ODR4: variants seen among roughly 807,000 people sequenced by gnomAD.
ODR4 encodes odr-4 GPCR localization factor homolog, also known as protein odr-4 homolog.
ODR4 carries 47 observed loss-of-function variants against 60.2 expected under a neutral mutation model. The ratio of observed to expected loss-of-function variants is 0.78; its 90% CI spans 0.62 to 1.00. ODR4 has a LOEUF of 1.00. Among genes scored for constraint, ODR4 ranks in the 50% least tolerant of loss-of-function variants. The pLI is 0.00. For synonymous variants in ODR4, 178 were observed against 175.5 expected, an observed-to-expected ratio of 1.01 and a Z score of -0.11; for missense variants, 488 against 530.8, an observed-to-expected ratio of 0.92 and a Z score of 0.79.
At chr1:186,392,576 G>T (rs190819907) in intron 8 of ODR4, among the ~76,000 whole-genome samples, 2 of 150,886 alleles carry the variant, frequency 1.3e-5, no homozygotes, top group African/African-American at 4.9e-5. Flanking sequence ...CAGCACTTTG[G>T]GGGGCCGAGG....
chr1:186,389,528 T>C, intron 5 of ODR4, 60 bp from the exon 6 acceptor site: 1 of 1,303,164 alleles, frequency 7.7e-7, no homozygotes, highest in Non-Finnish European at 1.1e-6. Context: ...TTTGATAGTT[T>C]ATATTCTTTT....
intron 7 of ODR4, 65 bp from the exon 8 acceptor site, chr1:186,391,631 A>T (rs973821388): frequency 1.0e-6 from 1 of 975,080 alleles, no homozygotes; most frequent in Admixed American, 2.0e-5. Flanking sequence ...AACAAAGTAG[A>T]TTATAGGAAG....
intron 12 of ODR4, among the ~76,000 whole-genome samples, chr1:186,413,492 G>A (rs1661446630): frequency 6.6e-6 from 1 of 152,112 alleles, no homozygotes; most frequent in South Asian, 2.1e-4. Context: ...TGAGGTGAGG[G>A]ATAACTATGG....
intron 3 of ODR4, 34 bp from the exon 4 acceptor site, chr1:186,385,954 A>G (rs1660233122): frequency 1.5e-6 from 2 of 1,374,082 alleles, no homozygotes; most frequent in African/African-American, 1.4e-5. Flanking sequence ...ATATAATGCC[A>G]ATTTGTTAGC....
intron 2 of ODR4, 116 bp downstream of exon 2, chr1:186,380,000 G>A (rs1011048603): frequency 1.2e-5 from 7 of 571,644 alleles, no homozygotes; most frequent in Admixed American, 3.8e-5. Flanking sequence ...CAAGATTGGG[G>A]GATGGAAGAA....
chr1:186,422,201 G>A (rs1253501412), downstream of ODR4, among the ~76,000 whole-genome samples: 5 of 151,978 alleles, frequency 3.3e-5, no homozygotes, highest in African/African-American at 1.2e-4. Flanking sequence ...TAGCTTTAGT[G>A]ATATTAAATC....
the ODR4 span, among the ~76,000 whole-genome samples, chr1:186,429,543 A>G: frequency 2.0e-5 from 3 of 152,154 alleles, no homozygotes; most frequent in Admixed American, 1.3e-4. Context: ...AAATCCACAT[A>G]TGACCCTTAA....
At chr1:186,398,862 C>A in intron 10 of ODR4, 92 bp from the exon 11 acceptor site, 4 of 915,742 alleles carry the variant, frequency 4.4e-6, no homozygotes, top group South Asian at 1.8e-5. Flanking sequence ...CATGATTGTA[C>A]TGGAAAGCAA....
intron 4 of ODR4, among the ~76,000 whole-genome samples, chr1:186,388,143 C>T (rs923798217): frequency 6.6e-6 from 1 of 152,036 alleles, no homozygotes; most frequent in Non-Finnish European, 1.5e-5. Flanking sequence ...TCTGTAATTT[C>T]CTAAAAGGAA....
intron 11 of ODR4, 46 bp from the exon 12 acceptor site, chr1:186,406,037 A>C (rs769931548): frequency 1.5e-6 from 2 of 1,300,470 alleles, no homozygotes; most frequent in Non-Finnish European, 2.1e-6. Context: ...CACTGATACC[A>C]GTGACAAACC....
intron 12 of ODR4, among the ~76,000 whole-genome samples, chr1:186,407,572 G>C (rs1177766165): frequency 6.6e-6 from 1 of 152,082 alleles, no homozygotes; most frequent in African/African-American, 2.4e-5. Context: ...ATCCCTAGCA[G>C]ATGGGGATTC....
chr1:186,398,372 C>A lies in ODR4; in HGVS notation c.840C>A (p.Asn280Lys). ...ATVQICSGSV[N>K]LKGAVKCRAY... ...TCCAGATATGTAGCGGTTCTGTAAA[C>A]CTTAAGGGTGCTGTGAAATGCAGAG... Residue 280 changes from asparagine (N) to lysine (K), a missense_variant, in exon 10 of 14, where the codon AAC (asparagine) becomes AAA (lysine). Transcript: ENST00000287859. 1 of 1,611,576 alleles carries A rather than the reference C, an allele frequency of 6.2e-7. No individual in the cohort carries two copies. The highest frequency in any genetic ancestry group is 8.5e-7 in the Non-Finnish European group (1 of 1,178,582).
chr1:186,432,453 T>G, the ODR4 span, among the ~76,000 whole-genome samples: 1 of 152,160 alleles, frequency 6.6e-6, no homozygotes, highest in Non-Finnish European at 1.5e-5. Flanking sequence ...TGTAAAATAA[T>G]GTTTCTTTTC....
intron 11 of ODR4, among the ~76,000 whole-genome samples, chr1:186,399,384 G>GT (rs1284766692): frequency 6.6e-6 from 1 of 151,750 alleles, no homozygotes; most frequent in African/African-American, 2.4e-5. Flanking sequence ...TTTTGGTATT[G>GT]TTTTTTTAGA....
chr1:186,424,311 A>G (rs1418095619), downstream of ODR4, among the ~76,000 whole-genome samples: 1 of 152,262 alleles, frequency 6.6e-6, no homozygotes, highest in Non-Finnish European at 1.5e-5. Flanking sequence ...AAGCTATAAA[A>G]GAAACCTAAA....
rs368101535 is a variant in ODR4, at chr1:186,407,122, G to A, written c.1186+854G>A. Among the ~76,000 whole-genome samples the A allele has an allele frequency of 5.3e-5, 8 of 152,134 alleles. No individual in the cohort carries two copies. In the East Asian group the frequency reaches 7.7e-4, roughly 15 times the overall value. ...TTTAGTTTTTCAGCAATACCAGATC[G>A]TGATGTAGAGCAATAAGCTTGTTTC... is the stretch of plus-strand genomic sequence containing the variant. On this transcript the variant is annotated intron_variant, in intron 12 of 13. Coordinates refer to ENST00000287859, the MANE Select transcript of ODR4 (RefSeq NM_017847.6).
intron 12 of ODR4, among the ~76,000 whole-genome samples, chr1:186,409,431 G>A (rs376519853): frequency 6.6e-6 from 1 of 152,220 alleles, no homozygotes; most frequent in African/African-American, 2.4e-5. Flanking sequence ...GCCTTAGCAT[G>A]TCATAGGTAT....
downstream of ODR4, among the ~76,000 whole-genome samples, chr1:186,424,990 CT>C (rs1320975581): frequency 6.6e-6 from 1 of 151,364 alleles, no homozygotes; most frequent in Non-Finnish European, 1.5e-5. Flanking sequence ...AAAAAAACCC[CT>C]TTTTGATGGG....
downstream of ODR4, among the ~76,000 whole-genome samples, chr1:186,423,577 C>T (rs1000794779): frequency 2.7e-5 from 4 of 150,386 alleles, no homozygotes; most frequent in African/African-American, 9.8e-5. Flanking sequence ...GCCTCAACCT[C>T]CCGAGTAGCT....
Sources: allele counts gnomAD v4.1 joint callset (sites outside exome capture counted in the v4.1 genomes callset), GRCh38; gene constraint gnomAD v4.1.1; transcripts MANE v1.5; gene names NCBI Gene and HGNC (gene_info 2026-07-23, HGNC 2026-07-21).